CREBL2: variants seen among roughly 807,000 people sequenced by gnomAD.
CREBL2 encodes cAMP-responsive element-binding protein-like 2.
A neutral mutation model predicts 19.5 loss-of-function variants in CREBL2; 4 were observed. The observed-to-expected ratio is 0.20, with a 90% CI of 0.10 to 0.47. CREBL2 has a LOEUF of 0.47. CREBL2 is among the 20% of genes least tolerant of loss of function. The pLI, the probability that CREBL2 is intolerant of heterozygous loss-of-function variation, is 0.98. For synonymous variants in CREBL2, 42 were observed against 46.6 expected (o/e 0.90, Z 0.40); for missense variants, 85 against 145.1 (o/e 0.59, Z 2.13).
intron 3 of CREBL2, among the ~76,000 whole-genome samples, chr12:12,641,781 G>A (rs1395625203): frequency 1.3e-5 from 2 of 151,862 alleles, no homozygotes; most frequent in African/African-American, 4.8e-5. Flanking sequence ...TACCCCAAAA[G>A]CTACTGAAAT....
At chr12:12,613,007 G>A (rs1034295691) in intron 1 of CREBL2, among the ~76,000 whole-genome samples, 54 of 152,176 alleles carry the variant, frequency 3.5e-4, no homozygotes, top group African/African-American at 1.2e-3. Flanking sequence ...GAGCAGCTGG[G>A]ATTACAGGCA....
Position 12,641,253 on chromosome 12 carries a change from A to AT in CREBL2, c.359-732dup, listed in dbSNP as rs142404101. Among the ~76,000 whole-genome samples, 99 of 78,234 alleles carry AT rather than the reference A, an allele frequency of 1.3e-3. 1 individual carries two copies. The highest frequency in any genetic ancestry group is 1.9e-3 in the African/African-American group (39 of 20,882). 51.3% of individuals were successfully genotyped at this position (78,234 alleles called of 152,430 possible). A position where few individuals can be genotyped will look rare whatever the true frequency, so the allele number is the denominator to read the frequency against. ...TATTATTATTATTATTATTATTATT[A>AT]TTTTTTTTTATTTTTTTTTTTTTTA... On this transcript the variant is annotated intron_variant, in intron 3 of 3. Coordinates refer to ENST00000228865, the MANE Select transcript of CREBL2 (RefSeq NM_001310.4).
At chr12:12,616,385 T>A (rs1945311642) in intron 1 of CREBL2, among the ~76,000 whole-genome samples, 1 of 152,360 alleles carries the variant, frequency 6.6e-6, no homozygotes, top group South Asian at 2.1e-4. Context: ...TCCTAAAGGA[T>A]ACACAGGTAA....
chr12:12,625,613 G>A (rs557851429), intron 1 of CREBL2, among the ~76,000 whole-genome samples: 6 of 152,280 alleles, frequency 3.9e-5, no homozygotes, highest in African/African-American at 1.4e-4. Context: ...CTGACAGGTT[G>A]CCATGATACA....
intron 1 of CREBL2, among the ~76,000 whole-genome samples, chr12:12,617,941 C>T (rs1945325521): frequency 6.6e-6 from 1 of 151,872 alleles, no homozygotes; most frequent in Non-Finnish European, 1.5e-5. Context: ...ATCCATTTAA[C>T]CCTGAGTGGA....
chr12:12,617,051 T>C (rs1945316462), intron 1 of CREBL2, among the ~76,000 whole-genome samples: 1 of 152,104 alleles, frequency 6.6e-6, no homozygotes, highest in African/African-American at 2.4e-5. Flanking sequence ...ATGAGTTTGC[T>C]GCGAGTTCTC....
intron 1 of CREBL2, among the ~76,000 whole-genome samples, chr12:12,623,432 G>A (rs1005525050): frequency 6.6e-6 from 1 of 152,160 alleles, no homozygotes; most frequent in African/African-American, 2.4e-5. Flanking sequence ...ATGGACTGAG[G>A]GTGGTGGTCA....
At chr12:12,637,744 T>A in intron 3 of CREBL2, 30 bp downstream of exon 3, 1 of 1,584,140 alleles carries the variant, frequency 6.3e-7, no homozygotes, top group Non-Finnish European at 8.6e-7. Flanking sequence ...GAATTTATAT[T>A]TAAGAGAGTG....
chr12:12,614,095 G>A (rs1391092252), intron 1 of CREBL2, among the ~76,000 whole-genome samples: 2 of 146,774 alleles, frequency 1.4e-5, no homozygotes, highest in Non-Finnish European at 3.0e-5. Flanking sequence ...TTGGGTTCAA[G>A]CAATTCTCCT....
intron 1 of CREBL2, among the ~76,000 whole-genome samples, chr12:12,633,183 T>C (rs1336853581): frequency 6.6e-6 from 1 of 152,062 alleles, no homozygotes; most frequent in African/African-American, 2.4e-5. Flanking sequence ...GTGATCCACC[T>C]GCCTCAGCCT....
chr12:12,626,098 TTC>T (rs1466732681), intron 1 of CREBL2, among the ~76,000 whole-genome samples: 4 of 152,194 alleles, frequency 2.6e-5, no homozygotes, highest in Non-Finnish European at 5.9e-5. Context: ...TATGTTTTTA[TTC>T]TGTTTGTCCT....
At chr12:12,629,350 C>T (rs1236744044) in intron 1 of CREBL2, among the ~76,000 whole-genome samples, 1 of 152,020 alleles carries the variant, frequency 6.6e-6, no homozygotes, top group African/African-American at 2.4e-5. Context: ...TAAATTTATT[C>T]CTGAGTATTG....
At chr12:12,626,136 G>A (rs1945399415) in intron 1 of CREBL2, among the ~76,000 whole-genome samples, 1 of 152,184 alleles carries the variant, frequency 6.6e-6, no homozygotes, top group Non-Finnish European at 1.5e-5. Flanking sequence ...AATGGTCCAA[G>A]AATCTTTGGA....
intron 1 of CREBL2, among the ~76,000 whole-genome samples, chr12:12,620,242 C>CTT (rs67066272): frequency 0.14 from 20,680 of 148,102 alleles, 1,691 homozygotes; most frequent in Middle Eastern, 0.21. Flanking sequence ...TTTTCTTTTT[C>CTT]TTTTTTTTTT....
At chr12:12,614,848 A>G in intron 1 of CREBL2, 1 of 297,462 alleles carries the variant, frequency 3.4e-6, no homozygotes, top group South Asian at 2.8e-5. Context: ...TAAGATTTGT[A>G]GGGCATTAGT....
chr12:12,623,390 C>CT (rs1945375927), intron 1 of CREBL2, among the ~76,000 whole-genome samples: 1 of 152,018 alleles, frequency 6.6e-6, no homozygotes, highest in Admixed American at 6.6e-5. Context: ...GATATTAACT[C>CT]TGTGTTCCAG....
intron 2 of CREBL2, 38 bp downstream of exon 2, chr12:12,636,012 T>A (rs1335261312): frequency 6.4e-7 from 1 of 1,553,704 alleles, no homozygotes; most frequent in African/African-American, 1.4e-5. Flanking sequence ...AAAATCACCT[T>A]AACAGTCAAA....
At chr12:12,626,920 T>C (rs1361850755) in intron 1 of CREBL2, among the ~76,000 whole-genome samples, 1 of 150,300 alleles carries the variant, frequency 6.7e-6, no homozygotes, top group Non-Finnish European at 1.5e-5. Context: ...ATAAACAAGC[T>C]ATCAAGCCAC....
intron 1 of CREBL2, 47 bp from the exon 2 acceptor site, chr12:12,635,730 G>A (rs540481252): frequency 2.6e-6 from 4 of 1,552,910 alleles, no homozygotes; most frequent in African/African-American, 1.4e-5. Context: ...TCACTTTTCT[G>A]TACACAGAAC....
Sources: gnomAD v4.1 joint callset for allele counts (sites outside exome capture counted in the v4.1 genomes callset) on GRCh38, gnomAD v4.1.1 for gene constraint, MANE v1.5 for transcripts, NCBI Gene and HGNC (gene_info 2026-07-23, HGNC 2026-07-21) for gene names.